CPXM2: variants seen among roughly 807,000 people sequenced by gnomAD.
CPXM2 encodes carboxypeptidase X, M14 family member 2, also known as inactive carboxypeptidase-like protein X2.
A neutral mutation model predicts 86.1 loss-of-function variants in CPXM2; 66 were observed. That is an observed-to-expected ratio of 0.77 (90% CI 0.63 to 0.94). The LOEUF is 0.94. CPXM2 is among the 40% of genes least tolerant of loss of function. The probability of loss-of-function intolerance (pLI) is 0.00; values close to 1 mark genes in which losing one functional copy is unlikely to be tolerated. For missense variants in CPXM2, 948 were observed against 1,026.3 expected (o/e 0.92, Z 1.04); for synonymous variants, 388 against 400.2 (o/e 0.97, Z 0.36).
At chr10:123,810,537 A>G (rs1033869689) in intron 4 of CPXM2, among the ~76,000 whole-genome samples, 10 of 152,146 alleles carry the variant, frequency 6.6e-5, no homozygotes, top group Admixed American at 2.0e-4. Flanking sequence ...AGAGTTCAGC[A>G]AGATGGCTGG....
rs80079723 is a variant in CPXM2, at chr10:123,897,188, A to G, written n.175-16879T>C. On this transcript the variant is annotated intron_variant and non_coding_transcript_variant, in intron 2 of 19. Transcript: ENST00000368854. Reference sequence around the variant, plus strand: ...AGGGACATGACTTCCTCACAGACTGAGCCTCCACTCATTAGTCTCGGGAGC... The same window carrying G: ...AGGGACATGACTTCCTCACAGACTGGGCCTCCACTCATTAGTCTCGGGAGC... 4.9e-3 allele frequency among the ~76,000 whole-genome samples: 750 copies of G among 151,746 alleles called. 4 individuals carry two copies. The highest frequency in any genetic ancestry group is 0.022 in the South Asian group (103 of 4,770).
At position 123,828,633 on chromosome 10, in the gene CPXM2, T is replaced by C. The variant is rs149313047; in HGVS notation, c.653+13716A>G. Among the ~76,000 whole-genome samples, 179 of 152,318 alleles carry C rather than the reference T, an allele frequency of 1.2e-3. 3 individuals are homozygous for C. In the East Asian group the frequency reaches 0.02, roughly 17 times the overall value. On this transcript the variant is annotated intron_variant, in intron 4 of 13. Transcript: ENST00000241305. The stretch of plus-strand genomic sequence containing the variant: ...TGAGTCAATTAAACCTCTTTCCTGG[T>C]TTCTCTGGTATGTCTTTATCAGCAG...
At chr10:123,873,135 A>G (rs1944920519) in intron 2 of CPXM2, among the ~76,000 whole-genome samples, 1 of 152,214 alleles carries the variant, frequency 6.6e-6, no homozygotes, top group South Asian at 2.1e-4. Flanking sequence ...ATTATTTCAT[A>G]TACATTACGA....
At chr10:123,914,192 G>A (rs1590119681) in intron 2 of CPXM2, 2 of 419,784 alleles carry the variant, frequency 4.8e-6, no homozygotes, top group East Asian at 1.4e-4. Context: ...CGGGAACTCT[G>A]TGAAGCTAAC....
intron 6 of CPXM2, among the ~76,000 whole-genome samples, chr10:123,789,272 G>A (rs529002435): frequency 4.2e-4 from 64 of 152,248 alleles, no homozygotes; most frequent in African/African-American, 1.1e-3. Flanking sequence ...CAAACCTGCC[G>A]CCCCACAGGG....
intron 11 of CPXM2, among the ~76,000 whole-genome samples, chr10:123,761,274 T>A (rs1356252461): frequency 1.3e-5 from 2 of 152,186 alleles, no homozygotes; most frequent in East Asian, 3.9e-4. Context: ...CGCTGGCCGC[T>A]GGAGGACAGC....
chr10:123,799,364 G>A (rs1265882687), intron 4 of CPXM2, among the ~76,000 whole-genome samples, 165 bp from the exon 5 acceptor site: 1 of 152,174 alleles, frequency 6.6e-6, no homozygotes, highest in Non-Finnish European at 1.5e-5. Context: ...GTAACTAACT[G>A]ACCCATCTAT....
At chr10:123,889,761 TA>T (rs1309416297) in intron 1 of CPXM2, among the ~76,000 whole-genome samples, 1 of 152,162 alleles carries the variant, frequency 6.6e-6, no homozygotes, top group Admixed American at 6.5e-5. Context: ...TGATGAGCCC[TA>T]AACATGGGTG....
At chr10:123,917,395 T>G (rs1442819174) in intron 2 of CPXM2, among the ~76,000 whole-genome samples, 1 of 152,214 alleles carries the variant, frequency 6.6e-6, no homozygotes, top group Non-Finnish European at 1.5e-5. Flanking sequence ...TCTTTCAAAA[T>G]GAAACATTGC....
At chr10:123,922,135 AC>A (rs1945583854) in intron 2 of CPXM2, among the ~76,000 whole-genome samples, 1 of 152,022 alleles carries the variant, frequency 6.6e-6, no homozygotes, top group Admixed American at 6.5e-5. Context: ...CCTGACCTCT[AC>A]CCCGTAGATA....
intron 6 of CPXM2, among the ~76,000 whole-genome samples, chr10:123,787,083 C>T (rs572387532): frequency 6.6e-6 from 1 of 152,318 alleles, no homozygotes; most frequent in South Asian, 2.1e-4. Flanking sequence ...CACAATCCCT[C>T]AGAGGAGGTT....
chr10:123,859,100 TAG>T (rs1848800957), intron 3 of CPXM2, among the ~76,000 whole-genome samples: 1 of 152,146 alleles, frequency 6.6e-6, no homozygotes, highest in South Asian at 2.1e-4. Flanking sequence ...TCTGCGCCTA[TAG>T]AGTCCTAGGC....
chr10:123,940,884 G>A (rs532779615), upstream of CPXM2, among the ~76,000 whole-genome samples: 1 of 152,270 alleles, frequency 6.6e-6, no homozygotes, highest in African/African-American at 2.4e-5. Context: ...TAAAACAATG[G>A]AAATGGGCCG....
At chr10:123,817,967 C>T (rs1020209866) in intron 4 of CPXM2, among the ~76,000 whole-genome samples, 2 of 152,212 alleles carry the variant, frequency 1.3e-5, no homozygotes, top group Non-Finnish European at 2.9e-5. Flanking sequence ...TGTGCAATTA[C>T]ATACTGATAC....
intron 2 of CPXM2, among the ~76,000 whole-genome samples, chr10:123,904,849 T>C (rs61861938): frequency 0.28 from 39,738 of 142,418 alleles, 6,061 homozygotes; most frequent in Non-Finnish European, 0.34. Flanking sequence ...CCCTCCCTCA[T>C]TTCCCCAACC....
chr10:123,818,380 C>T (rs1847856356), intron 4 of CPXM2, among the ~76,000 whole-genome samples: 1 of 152,120 alleles, frequency 6.6e-6, no homozygotes, highest in Non-Finnish European at 1.5e-5. Context: ...GCAGCAGAGA[C>T]CAACACTAAG....
chr10:123,920,863 C>T (rs1317393019), intron 2 of CPXM2, among the ~76,000 whole-genome samples: 1 of 152,162 alleles, frequency 6.6e-6, no homozygotes, highest in African/African-American at 2.4e-5. Context: ...TTTTCTCTCT[C>T]ACATGCACGA....
chr10:123,854,995 T>C (rs1056804470), intron 3 of CPXM2, among the ~76,000 whole-genome samples: 2 of 151,984 alleles, frequency 1.3e-5, no homozygotes, highest in African/African-American at 2.4e-5. Flanking sequence ...TTTGGTTACA[T>C]TGTCCTTCTA....
At chr10:123,937,000 A>G (rs763905603) in intron 2 of CPXM2, among the ~76,000 whole-genome samples, 1 of 152,180 alleles carries the variant, frequency 6.6e-6, no homozygotes, top group Non-Finnish European at 1.5e-5. Context: ...CCCCATCTCA[A>G]TCAAATGAGG....
Sources: allele counts gnomAD v4.1 joint callset (sites outside exome capture counted in the v4.1 genomes callset), GRCh38; gene constraint gnomAD v4.1.1; transcripts MANE v1.5; gene names NCBI Gene and HGNC (gene_info 2026-07-23, HGNC 2026-07-21).